APC: variants seen among roughly 807,000 people sequenced by gnomAD.
The protein encoded by APC is APC regulator of Wnt signaling pathway.
In APC, 72 loss-of-function variants were observed where a neutral mutation model predicts 247.0. The observed-to-expected ratio is 0.29, with a 90% CI of 0.24 to 0.35. APC has a LOEUF of 0.35. Among genes scored for constraint, APC ranks in the 10% least tolerant of loss-of-function variants. The pLI is 1.00. For synonymous variants in APC, 1,254 were observed against 1,162.5 expected (o/e 1.08, Z -1.60); for missense variants, 3,400 against 3,360.7 (o/e 1.01, Z -0.29).
At chr5:112,746,715 A>C (rs1234368538) in intron 1 of APC, among the ~76,000 whole-genome samples, 1 of 152,254 alleles carries the variant, frequency 6.6e-6, no homozygotes, top group Non-Finnish European at 1.5e-5. Context: ...TCTGAGTAAG[A>C]ATATTAAATA....
intron 2 of APC, among the ~76,000 whole-genome samples, chr5:112,762,653 A>T (rs1011347437): frequency 1.5e-4 from 23 of 152,238 alleles, no homozygotes; most frequent in African/African-American, 4.8e-4. Context: ...AACTCTTCTG[A>T]TAAAGAAGCC....
intron 14 of APC, 189 bp downstream of exon 14, chr5:112,829,161 TG>T: frequency 3.9e-6 from 2 of 516,040 alleles, no homozygotes; most frequent in Non-Finnish European, 7.1e-6. Flanking sequence ...TTTTTTGAGA[TG>T]GGGTCTCTTT....
intron 1 of APC, among the ~76,000 whole-genome samples, chr5:112,742,752 T>A (rs1277692744): frequency 1.3e-5 from 2 of 152,154 alleles, no homozygotes; most frequent in African/African-American, 4.8e-5. Context: ...TGTATTCTCT[T>A]TATTAGATAT....
chr5:112,836,724 T>C (rs919242285), intron 15 of APC, among the ~76,000 whole-genome samples: 5 of 152,208 alleles, frequency 3.3e-5, no homozygotes, highest in African/African-American at 1.2e-4. Context: ...TTCTTTTTTT[T>C]GAGATGGAGT....
At chr5:112,712,697 C>T (rs573944566) in intron 1 of APC, among the ~76,000 whole-genome samples, 3 of 152,142 alleles carry the variant, frequency 2.0e-5, no homozygotes, top group Non-Finnish European at 2.9e-5. Flanking sequence ...GCAGCATGTG[C>T]GCGTTTGTAT....
intron 8 of APC, among the ~76,000 whole-genome samples, chr5:112,807,293 G>A (rs1236310252): frequency 6.6e-6 from 1 of 152,094 alleles, no homozygotes; most frequent in Non-Finnish European, 1.5e-5. Context: ...TGTATTTTAG[G>A]GAGTTCTGGG....
rs1177965395 is a variant in APC, at chr5:112,759,336, TTTTC to T, written c.135+4331_135+4334del. 2.1e-3 allele frequency among the ~76,000 whole-genome samples: 321 copies of T among 150,618 alleles called. 5 individuals carry two copies. Among genetic ancestry groups the T allele is most frequent in the South Asian group, 7.9e-3 (38 of 4,796 alleles). Reference sequence around the variant, plus strand: ...AGCAGATTTCATTTCTAATGAATAATTTTCTTTCTTTCTTTCTTTCTTTTTTTTT... The same window carrying T: ...AGCAGATTTCATTTCTAATGAATAATTTTCTTTCTTTCTTTCTTTTTTTTT... On this transcript the variant is annotated intron_variant, in intron 2 of 15. Transcript: ENST00000257430.
chr5:112,782,505 T>G (rs1758459949), intron 6 of APC, among the ~76,000 whole-genome samples: 1 of 152,156 alleles, frequency 6.6e-6, no homozygotes, highest in African/African-American at 2.4e-5. Flanking sequence ...ATAGTGAAGG[T>G]TAAGATCATA....
chr5:112,737,856 G>A, upstream of APC: 1 of 985,730 alleles, frequency 1.0e-6, no homozygotes, highest in Non-Finnish European at 1.2e-6. Context: ...CCGACATGTG[G>A]CTGTATTGGT....
intron 1 of APC, among the ~76,000 whole-genome samples, chr5:112,750,794 A>G (rs1032374701): frequency 3.3e-5 from 5 of 152,142 alleles, no homozygotes; most frequent in African/African-American, 1.2e-4. Flanking sequence ...CACCATTTAA[A>G]TATCTTTACT....
At chr5:112,765,670 T>A (rs1161867409) in intron 2 of APC, among the ~76,000 whole-genome samples, 1 of 150,906 alleles carries the variant, frequency 6.6e-6, no homozygotes, top group Non-Finnish European at 1.5e-5. Context: ...TAGCATGCAA[T>A]AAGAGCCAAA....
rs1580642399 is a variant in APC at position 112,839,570 on chromosome 5, G to A, written c.3976G>A (p.Val1326Met). The A allele has an allele frequency of 6.2e-7, 1 of 1,614,208 alleles. No homozygotes were observed. Among genetic ancestry groups the A allele is most frequent in the Non-Finnish European group, 8.5e-7 (1 of 1,180,022 alleles). The change falls in exon 16 of 16, where the codon GTG becomes ATG. Residue 1326 changes from valine (V) to methionine (M), a missense_variant. Around this residue, in one of 9 missense-constraint regions of APC, gnomAD observed 715 missense variants for 656.6 expected, o/e 1.09. Transcript: ENST00000257430. The surrounding 1 kb of genome is among the most constrained non-coding windows in gnomAD (Gnocchi z 5.0). ...AGATCCTGTGAGCGAAGTTCCAGCA[G>A]TGTCACAGCACCCTAGAACCAAATC... is the stretch of plus-strand genomic sequence containing the variant. Reference protein sequence around the residue: ...AEDPVSEVPAVSQHPRTKSSR... With the variant: ...AEDPVSEVPAMSQHPRTKSSR...
In APC at chr5:112,842,913, A is replaced by C; in HGVS notation, c.7319A>C (p.Gln2440Pro). Residue 2440 changes from glutamine (Q) to proline (P), a missense_variant, in exon 16 of 16, where the codon CAG becomes CCG. By Grantham distance (76) the Gln-to-Pro change is moderately conservative (BLOSUM62 -1). This residue lies in a region of APC where 1,788 missense variants were observed against 1,649.5 expected (regional missense o/e 1.08). Transcript: ENST00000257430. ...TCAGAAAGACCTGTATTAGTACGCC[A>C]GTCAACTTTCATCAAAGAAGCTCCA... ...DRSERPVLVR[Q>P]STFIKEAPSP... 1 of 1,614,114 alleles carries C rather than the reference A, an allele frequency of 6.2e-7. No homozygotes were observed. The highest frequency in any genetic ancestry group is 8.5e-7 in the Non-Finnish European group (1 of 1,179,950).
At chr5:112,732,863 G>A (rs565917718) in intron 1 of APC, among the ~76,000 whole-genome samples, 1 of 152,216 alleles carries the variant, frequency 6.6e-6, no homozygotes, top group South Asian at 2.1e-4. Flanking sequence ...ATTTGGGCCA[G>A]TAGAGCAATT....
chr5:112,787,265 CT>C (rs1759069213), intron 6 of APC, among the ~76,000 whole-genome samples: 1 of 152,182 alleles, frequency 6.6e-6, no homozygotes, highest in African/African-American at 2.4e-5. Context: ...TTCAGTAAAA[CT>C]TAATTTATAA....
chr5:112,844,322 ATGGTTAGG>A lies in APC; in HGVS notation c.*197_*204del. ...GGTCTTATTTTGGGAGGCACTCTTG[ATGGTTAGG>A]AAAAAAATAGTAAAGCCAAGTATGT... is the stretch of plus-strand genomic sequence containing the variant. On this transcript the variant is annotated 3_prime_UTR_variant, in exon 16 of 16. Coordinates refer to ENST00000257430, the MANE Select transcript of APC (RefSeq NM_000038.6). The A allele has an allele frequency of 1.7e-6, 1 of 592,038 alleles. No individual in the cohort carries two copies. Among genetic ancestry groups the A allele is most frequent in the Non-Finnish European group, 2.9e-6 (1 of 342,932 alleles). The allele number at this position is 592,038 out of a possible 1,614,324, so 36.7% of individuals were successfully genotyped here.
rs1580623889 is a variant in APC, at chr5:112,838,150, G to A, written c.2556G>A (p.Leu852=). The A allele has an allele frequency of 6.2e-7, 1 of 1,614,160 alleles. No homozygotes were observed. The highest frequency in any genetic ancestry group is 8.5e-7 in the Non-Finnish European group (1 of 1,180,034). Residue 852 remains leucine (L), a synonymous_variant, in exon 16 of 16, where the codon TTG becomes TTA. Coordinates refer to ENST00000257430, the MANE Select transcript of APC (RefSeq NM_000038.6). ...DSSRSEKDRS[L]ERERGIGLGN... Reference sequence around the variant, plus strand: ...CTCGTTCTGAAAAAGATAGAAGTTTGGAGAGAGAACGCGGAATTGGTCTAG... The same window carrying A: ...CTCGTTCTGAAAAAGATAGAAGTTTAGAGAGAGAACGCGGAATTGGTCTAG...
chr5:112,796,122 A>G (rs568351168), intron 7 of APC, among the ~76,000 whole-genome samples: 1 of 152,340 alleles, frequency 6.6e-6, no homozygotes, highest in East Asian at 1.9e-4. Context: ...CTTTAACTCC[A>G]TGGACAACAG....
At chr5:112,767,922 G>C (rs1015256834) in intron 4 of APC, among the ~76,000 whole-genome samples, 3 of 152,104 alleles carry the variant, frequency 2.0e-5, no homozygotes, top group African/African-American at 7.2e-5. Context: ...TAGTTAAAAT[G>C]TGTAACTTGC....
Sources: gnomAD v4.1 joint callset for allele counts (sites outside exome capture counted in the v4.1 genomes callset) on GRCh38, gnomAD v4.1.1 for gene constraint, gnomAD v4.1.1 regional missense constraint, Gnocchi (gnomAD v3.1) non-coding constraint, MANE v1.5 for transcripts, NCBI Gene and HGNC (gene_info 2026-07-23, HGNC 2026-07-21) for gene names.